ZNF608: variants seen among roughly 807,000 people sequenced by gnomAD.
The protein encoded by ZNF608 is renal carcinoma antigen NY-REN-36.
In ZNF608, 12 loss-of-function variants were observed where a neutral mutation model predicts 109.0. That is an observed-to-expected ratio of 0.11 (90% CI 0.07 to 0.18). ZNF608 has a LOEUF of 0.18. ZNF608 is among the 10% of genes least tolerant of loss of function. The pLI, the probability that ZNF608 is intolerant of heterozygous loss-of-function variation, is 1.00. For synonymous variants in ZNF608, 732 were observed against 717.4 expected, an observed-to-expected ratio of 1.02 and a Z score of -0.33; for missense variants, 1,707 against 1,879.3, an observed-to-expected ratio of 0.91 and a Z score of 1.70.
At chr5:124,742,883 C>T (rs1272405209) in intron 2 of ZNF608, among the ~76,000 whole-genome samples, 1 of 152,078 alleles carries the variant, frequency 6.6e-6, no homozygotes, top group East Asian at 1.9e-4. Context: ...AAAAAAAAAT[C>T]AAAATTATTT....
At chr5:124,677,159 T>C (rs918849985) in intron 3 of ZNF608, among the ~76,000 whole-genome samples, 1 of 152,252 alleles carries the variant, frequency 6.6e-6, no homozygotes, top group Admixed American at 6.5e-5. Context: ...TTCACCCAGA[T>C]ACATTCATGC....
intron 9 of ZNF608, among the ~76,000 whole-genome samples, chr5:124,638,542 C>A (rs1302478728): frequency 1.3e-5 from 2 of 152,212 alleles, no homozygotes; most frequent in African/African-American, 2.4e-5. Context: ...CAGGCATGGG[C>A]CATCATGCCC....
chr5:124,638,002 G>C lies in ZNF608; in HGVS notation c.4533-96C>G. ...TTTTGCTCTTGTTGCCCAGGCTAGAGTGCCATGGCTCAATCTCGGCTCACC... is the reference window on the plus strand; with the variant it reads ...TTTTGCTCTTGTTGCCCAGGCTAGACTGCCATGGCTCAATCTCGGCTCACC... On this transcript the variant is annotated intron_variant, in intron 9 of 9. Coordinates refer to ENST00000513986, the MANE Select transcript of ZNF608 (RefSeq NM_020747.3). 2.8e-6 allele frequency: 4 copies of C among 1,405,458 alleles called. No individual in the cohort carries two copies. In the Admixed American group the frequency reaches 7.0e-5, roughly 24 times the overall value. 87.1% of individuals were successfully genotyped at this position (1,405,458 alleles called of 1,614,324 possible). A position where few individuals can be genotyped will look rare whatever the true frequency, so the allele number is the denominator to read the frequency against.
At chr5:124,643,973 G>A (rs1239429147) in intron 6 of ZNF608, among the ~76,000 whole-genome samples, 2 of 152,158 alleles carry the variant, frequency 1.3e-5, no homozygotes, top group East Asian at 3.9e-4. Flanking sequence ...ATGACAGTAA[G>A]TGCTTAGAAT....
In ZNF608 at chr5:124,744,344, C is replaced by G. The variant is rs1449553614; in HGVS notation, c.646G>C (p.Asp216His). 2.5e-6 allele frequency: 4 copies of G among 1,614,236 alleles called. No individual in the cohort carries two copies. The highest frequency in any genetic ancestry group is 3.4e-6 in the Non-Finnish European group (4 of 1,180,056). ...CCATTCTGGTGGCCCTGAAGCAGGTCGTGCTTGTCCTTCCTGGATTTCCCC... is the reference window on the plus strand; with the variant it reads ...CCATTCTGGTGGCCCTGAAGCAGGTGGTGCTTGTCCTTCCTGGATTTCCCC... ...DAGKSRKDKH[D>H]LLQGHQNGSG... Residue 216 changes from aspartate (D) to histidine (H), a missense_variant, in exon 2 of 10, where the codon GAC (aspartate) becomes CAC (histidine). Physicochemically the swap from Asp to His is moderately conservative, Grantham distance 81. Transcript: ENST00000513986. The surrounding 1 kb of genome is among the most constrained non-coding windows in gnomAD (Gnocchi z 4.5).
At chr5:124,732,634 G>T (rs576227361) in intron 2 of ZNF608, among the ~76,000 whole-genome samples, 1 of 151,788 alleles carries the variant, frequency 6.6e-6, no homozygotes, top group Non-Finnish European at 1.5e-5. Flanking sequence ...CACTGCTGTT[G>T]CTGGAGAGTC....
chr5:124,708,727 A>G (rs1022870823), intron 2 of ZNF608: 3 of 456,126 alleles, frequency 6.6e-6, no homozygotes, highest in African/African-American at 4.0e-5. Flanking sequence ...ATGAAGACCA[A>G]CCCTGCCCTC....
intron 2 of ZNF608, among the ~76,000 whole-genome samples, chr5:124,724,797 C>G (rs985276753): frequency 2.6e-5 from 4 of 152,186 alleles, no homozygotes; most frequent in African/African-American, 9.7e-5. Context: ...GGGGTAACAT[C>G]ATCTCCCTCA....
rs200298192 is a variant in ZNF608 at position 124,648,177 on chromosome 5, C to A, written c.2207G>T (p.Arg736Leu). 2.0e-5 allele frequency: 33 copies of A among 1,613,260 alleles called. No homozygotes were observed. The highest frequency in any genetic ancestry group is 2.7e-5 in the Non-Finnish European group (32 of 1,179,738). The change falls in exon 5 of 10, where the codon CGG becomes CTG. Residue 736 changes from arginine to leucine, a missense_variant. This residue lies in a region of ZNF608 where 1,073 missense variants were observed against 1,133.5 expected (regional missense o/e 0.95). Transcript: ENST00000513986. ...DKNLSKLKSA[R>L]PIAPAPAPTP... is the part of the protein sequence containing the mutation. ...GGGGGCTGGGGCAGGGGCAATGGGC[C>A]GGGCACTTTTCAGTTTAGAGAGGTT...
intron 3 of ZNF608, among the ~76,000 whole-genome samples, chr5:124,679,434 T>G (rs957415625): frequency 5.2e-5 from 7 of 134,372 alleles, no homozygotes; most frequent in Non-Finnish European, 9.6e-5. Flanking sequence ...CCTCCCTCCC[T>G]CCTTCCTTCC....
chr5:124,700,624 C>T (rs924255372), intron 3 of ZNF608, among the ~76,000 whole-genome samples: 1 of 152,196 alleles, frequency 6.6e-6, no homozygotes, highest in Non-Finnish European at 1.5e-5. Flanking sequence ...TAAATATAAG[C>T]CTCTACAACA....
intron 2 of ZNF608, among the ~76,000 whole-genome samples, chr5:124,731,687 G>C (rs1030660020): frequency 6.6e-6 from 1 of 152,020 alleles, no homozygotes; most frequent in Admixed American, 6.5e-5. Context: ...TTAGCCAGGC[G>C]TGCTGGTGGG....
At chr5:124,667,774 G>A (rs943816925) in intron 3 of ZNF608, among the ~76,000 whole-genome samples, 7 of 152,100 alleles carry the variant, frequency 4.6e-5, no homozygotes, top group East Asian at 1.9e-4. Context: ...TATCTCTATC[G>A]TACAACCGAG....
chr5:124,654,177 T>G (rs1333687060), intron 3 of ZNF608, among the ~76,000 whole-genome samples: 1 of 152,016 alleles, frequency 6.6e-6, no homozygotes, highest in Admixed American at 6.6e-5. Flanking sequence ...CACCTCCTGC[T>G]CACTGTCTTT....
chr5:124,689,815 A>G (rs576435068), intron 3 of ZNF608, among the ~76,000 whole-genome samples: 1 of 152,358 alleles, frequency 6.6e-6, no homozygotes, highest in South Asian at 2.1e-4. Context: ...ACAGTCTGGC[A>G]GGTTCTTACA....
At chr5:124,735,330 C>A (rs1041371849) in intron 2 of ZNF608, among the ~76,000 whole-genome samples, 1 of 152,154 alleles carries the variant, frequency 6.6e-6, no homozygotes, top group Admixed American at 6.5e-5. Context: ...CGCTCAGGGC[C>A]ATAAACGGGT....
chr5:124,723,221 C>A (rs1340251437), intron 2 of ZNF608, among the ~76,000 whole-genome samples: 1 of 152,000 alleles, frequency 6.6e-6, no homozygotes, highest in Non-Finnish European at 1.5e-5. Flanking sequence ...ATTGGCCAGG[C>A]TGGTTTTGCA....
rs921417938 is a variant in ZNF608, at chr5:124,648,567, G to A, written c.1817C>T (p.Ala606Val). Residue 606 changes from alanine to valine, a missense_variant, in exon 5 of 10, where the codon GCA becomes GTA. Ala to Val is a moderately conservative substitution (Grantham distance 64). Coordinates refer to ENST00000513986, the MANE Select transcript of ZNF608 (RefSeq NM_020747.3). The part of the protein sequence containing the change: ...SDCEEGLSNV[A>V]LECSEPSTSV... ...TGTGCTTGGCTCACTGCATTCAAGT[G>A]CCACATTACTCAATCCTTCCTCACA... 1 of 1,614,080 alleles carries A rather than the reference G, an allele frequency of 6.2e-7. No homozygotes were observed. The highest frequency in any genetic ancestry group is 8.5e-7 in the Non-Finnish European group (1 of 1,180,050).
chr5:124,657,252 G>A (rs890367472), intron 3 of ZNF608, among the ~76,000 whole-genome samples: 2 of 152,134 alleles, frequency 1.3e-5, no homozygotes, highest in Non-Finnish European at 2.9e-5. Flanking sequence ...ATATGTTCAC[G>A]TGGGAGGCTG....
Sources: gnomAD v4.1 joint callset for allele counts (sites outside exome capture counted in the v4.1 genomes callset) on GRCh38, gnomAD v4.1.1 for gene constraint, gnomAD v4.1.1 regional missense constraint, Gnocchi (gnomAD v3.1) non-coding constraint, MANE v1.5 for transcripts, NCBI Gene and HGNC (gene_info 2026-07-23, HGNC 2026-07-21) for gene names.